Variants in TENM4 observed in about 807,000 individuals in gnomAD.
TENM4 encodes teneurin transmembrane protein 4, also known as teneurin-4.
In TENM4, 82 loss-of-function variants were observed where a neutral mutation model predicts 243.3. The ratio of observed to expected loss-of-function variants is 0.34; its 90% CI spans 0.28 to 0.40. The LOEUF (loss-of-function observed/expected upper bound fraction) is 0.40. Ranked by LOEUF, TENM4 falls within the 10% of genes least tolerant of loss-of-function variation. The probability of loss-of-function intolerance (pLI) is 1.00; values close to 1 mark genes in which losing one functional copy is unlikely to be tolerated. For missense variants in TENM4, 3,138 were observed against 3,673.3 expected (o/e 0.85, Z 3.77); for synonymous variants, 1,412 against 1,456.3 (o/e 0.97, Z 0.69).
At chr11:78,727,097 A>G (rs1223986877) in intron 22 of TENM4, among the ~76,000 whole-genome samples, 2 of 152,224 alleles carry the variant, frequency 1.3e-5, no homozygotes, top group African/African-American at 4.8e-5. Context: ...TGACCTGGGA[A>G]ATGCTTATGG....
At chr11:79,100,202 A>C (rs1861191445) in intron 4 of TENM4, among the ~76,000 whole-genome samples, 1 of 152,198 alleles carries the variant, frequency 6.6e-6, no homozygotes, top group Admixed American at 6.5e-5. Context: ...AGCATATAGC[A>C]CACTGTAAGC....
intron 1 of TENM4, among the ~76,000 whole-genome samples, chr11:79,375,431 A>G (rs565137707): frequency 4.6e-5 from 7 of 152,358 alleles, no homozygotes; most frequent in Middle Eastern, 3.4e-3. Flanking sequence ...TAGACTGTGC[A>G]TAGCTCTTTA....
chr11:79,432,885 T>C (rs955612476), intron 1 of TENM4, among the ~76,000 whole-genome samples: 4 of 152,204 alleles, frequency 2.6e-5, no homozygotes, highest in African/African-American at 4.8e-5. Flanking sequence ...CTAGTTCTAG[T>C]GGTGTGACCC....
chr11:79,380,326 A>C (rs1590924874), intron 1 of TENM4, among the ~76,000 whole-genome samples: 1 of 149,278 alleles, frequency 6.7e-6, no homozygotes, highest in Non-Finnish European at 1.5e-5. Flanking sequence ...AAAAAAGAAG[A>C]GAGGAAGAGA....
intron 4 of TENM4, among the ~76,000 whole-genome samples, chr11:79,085,657 G>T (rs927433820): frequency 5.9e-5 from 9 of 152,146 alleles, no homozygotes; most frequent in Non-Finnish European, 8.8e-5. Flanking sequence ...TCCAGGAGAA[G>T]TATTTATTTG....
At chr11:78,839,401 AT>A (rs1037530848) in intron 12 of TENM4, among the ~76,000 whole-genome samples, 2 of 151,802 alleles carry the variant, frequency 1.3e-5, no homozygotes, top group African/African-American at 2.4e-5. Flanking sequence ...ATTTTTATTG[AT>A]TTTTTTTGAC....
At chr11:78,837,302 CTT>C (rs1858140576) in intron 12 of TENM4, among the ~76,000 whole-genome samples, 1 of 152,202 alleles carries the variant, frequency 6.6e-6, no homozygotes, top group Admixed American at 6.5e-5. Context: ...CTCATTCTCT[CTT>C]GTGTGCCACC....
intron 1 of TENM4, among the ~76,000 whole-genome samples, chr11:79,379,521 G>A (rs955077258): frequency 9.2e-5 from 14 of 152,226 alleles, no homozygotes; most frequent in East Asian, 3.9e-4. Context: ...ATGGAGAGAC[G>A]GATGGGTTCA....
Position 78,702,100 on chromosome 11 carries a change from G to C in TENM4, c.4513C>G (p.Leu1505Val). Residue 1505 changes from leucine (L) to valine (V), a missense_variant, in exon 28 of 34, where the codon CTC (leucine) becomes GTC (valine). Around this residue, in one of 2 missense-constraint regions of TENM4, gnomAD observed 2,467 missense variants for 3,059.1 expected, o/e 0.81. Transcript: ENST00000278550. Reference protein sequence around the residue: ...RQVTTSGEISLVAGAPSGCDC... With the variant: ...RQVTTSGEISVVAGAPSGCDC... ...CAGCCACTGGGGGCCCCAGCAACGA[G>C]TGAGATCTCTCCACTAGTGGTGACC... 1 of 1,613,976 alleles carries C rather than the reference G, an allele frequency of 6.2e-7. No individual in the cohort carries two copies. Among genetic ancestry groups the C allele is most frequent in the Non-Finnish European group, 8.5e-7 (1 of 1,179,866 alleles).
chr11:78,673,289 A>G (rs1858382003), intron 30 of TENM4, among the ~76,000 whole-genome samples: 1 of 152,198 alleles, frequency 6.6e-6, no homozygotes, highest in African/African-American at 2.4e-5. Context: ...TGGCCCCTGA[A>G]ATATTGCCAG....
At chr11:78,771,349 C>T (rs1177840204) in intron 17 of TENM4, among the ~76,000 whole-genome samples, 12 of 152,186 alleles carry the variant, frequency 7.9e-5, no homozygotes, top group Non-Finnish European at 1.2e-4. Flanking sequence ...TTGCCAGGGT[C>T]GCACAGTCAG....
At chr11:79,312,378 C>T (rs1038575493) in intron 1 of TENM4, among the ~76,000 whole-genome samples, 4 of 152,204 alleles carry the variant, frequency 2.6e-5, no homozygotes, top group African/African-American at 7.2e-5. Context: ...GTATATAATG[C>T]TTACTATGTA....
chr11:79,183,240 C>G (rs907614058), intron 3 of TENM4, among the ~76,000 whole-genome samples: 2 of 152,078 alleles, frequency 1.3e-5, no homozygotes, highest in Non-Finnish European at 2.9e-5. Context: ...AGTAAATGAG[C>G]TATCAAGCCA....
At chr11:78,951,704 G>A (rs1173083819) in intron 6 of TENM4, among the ~76,000 whole-genome samples, 1 of 152,014 alleles carries the variant, frequency 6.6e-6, no homozygotes, top group Non-Finnish European at 1.5e-5. Context: ...AAGGACACTG[G>A]TTCTATCTGA....
chr11:79,288,278 C>T (rs1354904894), intron 2 of TENM4, among the ~76,000 whole-genome samples: 1 of 152,218 alleles, frequency 6.6e-6, no homozygotes, highest in African/African-American at 2.4e-5. Flanking sequence ...CCAAAGTCTC[C>T]TTACCACTGG....
chr11:79,074,870 C>A (rs1025822328), intron 4 of TENM4, among the ~76,000 whole-genome samples: 1 of 152,232 alleles, frequency 6.6e-6, no homozygotes, highest in Non-Finnish European at 1.5e-5. Context: ...TCTTCCCCTA[C>A]CCTCATCTGT....
intron 12 of TENM4, among the ~76,000 whole-genome samples, chr11:78,815,833 C>T (rs1373033297): frequency 6.6e-6 from 1 of 152,190 alleles, no homozygotes; most frequent in Non-Finnish European, 1.5e-5. Context: ...ATGAAGTGAC[C>T]TGTGGAAGGC....
chr11:79,431,737 C>A (rs10899626), intron 1 of TENM4, among the ~76,000 whole-genome samples: 28,089 of 152,162 alleles, frequency 0.18, 2,781 homozygotes, highest in East Asian at 0.34. Flanking sequence ...TACCTGTAGT[C>A]ATACATTCAG....
intron 3 of TENM4, among the ~76,000 whole-genome samples, chr11:79,208,141 G>A (rs375299223): frequency 5.9e-5 from 9 of 152,228 alleles, no homozygotes; most frequent in South Asian, 2.1e-4. Flanking sequence ...CTCAGAGCAC[G>A]GGTCATCGGC....
Sources: allele counts gnomAD v4.1 joint callset (sites outside exome capture counted in the v4.1 genomes callset), GRCh38; gene constraint gnomAD v4.1.1; regional missense constraint gnomAD v4.1.1; transcripts MANE v1.5; gene names NCBI Gene and HGNC (gene_info 2026-07-23, HGNC 2026-07-21).